The following HBS1L variants were observed in gnomAD, a reference collection of about 807,000 sequenced individuals.
HBS1L encodes the protein HBS1 like translational GTPase.
Under a neutral mutation model 88.9 loss-of-function variants are expected in HBS1L, and 55 were observed. The ratio of observed to expected loss-of-function variants is 0.62; its 90% CI spans 0.50 to 0.77. The LOEUF (loss-of-function observed/expected upper bound fraction) is 0.77. Ranked by LOEUF, HBS1L falls within the 30% of genes least tolerant of loss-of-function variation. The probability of loss-of-function intolerance (pLI) is 0.00; values close to 1 mark genes in which losing one functional copy is unlikely to be tolerated. For synonymous variants in HBS1L, 267 were observed against 288.5 expected (o/e 0.93, Z 0.76); for missense variants, 741 against 829.3 (o/e 0.89, Z 1.31).
chr6:134,979,990 A>G (rs1398827915), intron 13 of HBS1L, among the ~76,000 whole-genome samples: 1 of 152,008 alleles, frequency 6.6e-6, no homozygotes, highest in Non-Finnish European at 1.5e-5. Flanking sequence ...AGTCGGAGAG[A>G]GCAGTTCCCA....
chr6:134,999,475 T>G (rs1583093773), intron 5 of HBS1L, among the ~76,000 whole-genome samples: 1 of 129,052 alleles, frequency 7.7e-6, no homozygotes, highest in Admixed American at 9.2e-5. Context: ...TGAGATGGAG[T>G]CTCCCTCTAT....
chr6:135,042,007 C>G lies in HBS1L; in HGVS notation c.229G>C (p.Asp77His). Residue 77 changes from aspartate to histidine, a missense_variant, in exon 3 of 18, where the codon GAT becomes CAT. Asp to His is a moderately conservative substitution (Grantham distance 81). Coordinates refer to ENST00000367837, the MANE Select transcript of HBS1L (RefSeq NM_006620.4). ...SVSNHQLSGF[D>H]QARLYSCLDH... Reference sequence around the variant, plus strand: ...ACACTACTTTTTGCTATACCTTGATCAAATCCACTGAGCTGATGGTTTGAA... The same window carrying G: ...ACACTACTTTTTGCTATACCTTGATGAAATCCACTGAGCTGATGGTTTGAA... 6.2e-7 allele frequency: 1 copy of G among 1,612,824 alleles called. No individual in the cohort carries two copies. Among genetic ancestry groups the G allele is most frequent in the African/African-American group, 1.3e-5 (1 of 75,004 alleles).
intron 5 of HBS1L, among the ~76,000 whole-genome samples, chr6:134,999,930 C>A (rs1051174464): frequency 3.3e-5 from 5 of 152,060 alleles, no homozygotes; most frequent in Non-Finnish European, 5.9e-5. Flanking sequence ...AAGATAAGGT[C>A]TAAAAATGAC....
chr6:134,969,403 A>C, intron 15 of HBS1L, 65 bp from the exon 16 acceptor site: 1 of 975,660 alleles, frequency 1.0e-6, no homozygotes, highest in Non-Finnish European at 1.6e-6. Flanking sequence ...TTCTTTTGGC[A>C]CTTATACTTA....
intron 4 of HBS1L, chr6:135,037,375 A>G (rs1449049010): frequency 6.4e-7 from 1 of 1,551,454 alleles, no homozygotes; most frequent in Non-Finnish European, 8.7e-7. Context: ...ATCATTTTTA[A>G]AAGTGTGATT....
chr6:134,971,442 C>T (rs764350711), intron 15 of HBS1L, among the ~76,000 whole-genome samples: 2 of 152,130 alleles, frequency 1.3e-5, no homozygotes, highest in African/African-American at 2.4e-5. Flanking sequence ...GTCTCCATGG[C>T]CAAATTTGAA....
chr6:134,982,719 G>T, intron 12 of HBS1L, 157 bp from the exon 13 acceptor site: 1 of 417,692 alleles, frequency 2.4e-6, no homozygotes, highest in Non-Finnish European at 4.2e-6. Context: ...ACTAAATATG[G>T]CATACCACAC....
intron 2 of HBS1L, 53 bp downstream of exon 2, chr6:135,050,529 T>C: frequency 2.5e-6 from 3 of 1,212,912 alleles, no homozygotes; most frequent in Non-Finnish European, 3.6e-6. Flanking sequence ...ACGACTAACA[T>C]TTACATTTTT....
In HBS1L at chr6:134,997,434, C is replaced by A. The variant is rs758489476; in HGVS notation, c.762G>T (p.Arg254=). 2 of 1,614,050 alleles carry A rather than the reference C, an allele frequency of 1.2e-6. No homozygotes were observed. The highest frequency in any genetic ancestry group is 1.7e-5 in the Admixed American group (1 of 59,980). ...QIDVKAELEK[R]QGGKQLLNLV... ...AGTTGAGTAGCTGCTTCCCTCCTTGCCGCTTCTCCAGTTCCGCCTTCACAT... is the reference window on the plus strand; with the variant it reads ...AGTTGAGTAGCTGCTTCCCTCCTTGACGCTTCTCCAGTTCCGCCTTCACAT... The change falls in exon 6 of 18, where the codon CGG becomes CGT. Residue 254 remains arginine (R), a synonymous_variant. Coordinates refer to ENST00000367837, the MANE Select transcript of HBS1L (RefSeq NM_006620.4).
chr6:135,043,550 T>C (rs1344482285), intron 2 of HBS1L, among the ~76,000 whole-genome samples: 3 of 152,212 alleles, frequency 2.0e-5, no homozygotes, highest in Non-Finnish European at 4.4e-5. Context: ...TCTCTATTCA[T>C]TGTAAAAGTC....
intron 5 of HBS1L, among the ~76,000 whole-genome samples, chr6:134,998,777 T>C (rs1019146869): frequency 2.6e-5 from 4 of 152,218 alleles, no homozygotes; most frequent in African/African-American, 9.7e-5. Flanking sequence ...ATAGTTATAT[T>C]TGCAACTTTA....
intron 8 of HBS1L, among the ~76,000 whole-genome samples, chr6:134,991,467 T>G (rs1419013551): frequency 6.6e-6 from 1 of 152,192 alleles, no homozygotes; most frequent in Non-Finnish European, 1.5e-5. Flanking sequence ...GCAAAATCCA[T>G]GCACATGGAG....
chr6:135,025,796 A>C (rs578079735), intron 4 of HBS1L, among the ~76,000 whole-genome samples: 1 of 152,350 alleles, frequency 6.6e-6, no homozygotes, highest in South Asian at 2.1e-4. Context: ...ATGATATCAA[A>C]TATAGCAAAG....
chr6:135,029,249 T>C (rs567039695), intron 4 of HBS1L, among the ~76,000 whole-genome samples: 1 of 152,184 alleles, frequency 6.6e-6, no homozygotes, highest in East Asian at 1.9e-4. Flanking sequence ...AAATTCAAAA[T>C]CTATCTTCTA....
rs975634228 is a variant in HBS1L, at chr6:134,963,030, TCTA to T, written c.*2246_*2248del. The T allele has an allele frequency of 1.3e-5, 2 of 152,236 alleles. No homozygotes were observed. Among genetic ancestry groups the T allele is most frequent in the African/African-American group, 4.8e-5 (2 of 41,456 alleles). 9.4% of individuals were successfully genotyped at this position (152,236 alleles called of 1,614,324 possible). On this transcript the variant is annotated 3_prime_UTR_variant, in exon 18 of 18. Coordinates refer to ENST00000367837, the MANE Select transcript of HBS1L (RefSeq NM_006620.4). ...GAAGGAATGAATAAATGCATTCATT[TCTA>T]CTACTATTTGTTTATGCTAAACTGT...
At chr6:134,988,222 G>T (rs1775033752) in intron 8 of HBS1L, among the ~76,000 whole-genome samples, 3 of 151,868 alleles carry the variant, frequency 2.0e-5, no homozygotes, top group South Asian at 4.2e-4. Flanking sequence ...AAATTAGCCG[G>T]GTGTGGTGGT....
intron 15 of HBS1L, among the ~76,000 whole-genome samples, chr6:134,977,408 C>T (rs1170451608): frequency 1.3e-5 from 2 of 151,962 alleles, no homozygotes; most frequent in Non-Finnish European, 1.5e-5. Context: ...GTTCCATTCG[C>T]TCACAACAAT....
At chr6:134,969,182 T>C in intron 16 of HBS1L, 56 bp downstream of exon 16, 1 of 1,105,448 alleles carries the variant, frequency 9.0e-7, no homozygotes. Flanking sequence ...AATGAGTTAA[T>C]CTTTAAAAAA....
intron 1 of HBS1L, among the ~76,000 whole-genome samples, chr6:135,052,025 C>T (rs1172223276): frequency 6.6e-6 from 1 of 152,096 alleles, no homozygotes; most frequent in African/African-American, 2.4e-5. Context: ...AAACTAGAAC[C>T]GGGAGTGGGG....
Sources: allele counts gnomAD v4.1 joint callset (sites outside exome capture counted in the v4.1 genomes callset), GRCh38; gene constraint gnomAD v4.1.1; transcripts MANE v1.5; gene names NCBI Gene and HGNC (gene_info 2026-07-23, HGNC 2026-07-21).